Variants in DPP10 observed in about 807,000 individuals in gnomAD.
DPP10 encodes inactive dipeptidyl peptidase 10.
A neutral mutation model predicts 120.9 loss-of-function variants in DPP10; 33 were observed. The ratio of observed to expected loss-of-function variants is 0.27; its 90% CI spans 0.21 to 0.37. The LOEUF is 0.37. Among genes scored for constraint, DPP10 ranks in the 10% least tolerant of loss-of-function variants. The probability of loss-of-function intolerance (pLI) is 1.00; values close to 1 mark genes in which losing one functional copy is unlikely to be tolerated. For synonymous variants in DPP10, 337 were observed against 326.1 expected, an observed-to-expected ratio of 1.03 and a Z score of -0.36; for missense variants, 816 against 942.8, an observed-to-expected ratio of 0.87 and a Z score of 1.76.
chr2:115,605,032 T>G (rs2083606920), intron 5 of DPP10, among the ~76,000 whole-genome samples: 1 of 152,164 alleles, frequency 6.6e-6, no homozygotes, highest in Non-Finnish European at 1.5e-5. Flanking sequence ...TCATGATCTC[T>G]CAACAAAATA....
intron 3 of DPP10, among the ~76,000 whole-genome samples, chr2:115,480,588 T>C (rs1211484825): frequency 6.6e-6 from 1 of 152,164 alleles, no homozygotes; most frequent in Non-Finnish European, 1.5e-5. Flanking sequence ...CCTTTTATCA[T>C]ATTTGTGCTT....
intron 5 of DPP10, among the ~76,000 whole-genome samples, chr2:115,623,952 C>A (rs185501060): frequency 6.7e-6 from 1 of 149,344 alleles, no homozygotes; most frequent in Non-Finnish European, 1.5e-5. Context: ...AAAACGAGAT[C>A]ATTTACTCAA....
chr2:114,643,811 G>A (rs941769836), intron 1 of DPP10, among the ~76,000 whole-genome samples: 2 of 150,614 alleles, frequency 1.3e-5, no homozygotes, highest in Non-Finnish European at 2.9e-5. Flanking sequence ...CACCACCTTG[G>A]TTTGGTTTAC....
intron 1 of DPP10, among the ~76,000 whole-genome samples, chr2:114,815,405 G>A (rs533854218): frequency 6.6e-6 from 1 of 152,276 alleles, no homozygotes; most frequent in East Asian, 1.9e-4. Flanking sequence ...CATTAGCTAG[G>A]AAGTTTGGAG....
At chr2:115,639,857 C>T (rs985784875) in intron 5 of DPP10, among the ~76,000 whole-genome samples, 2 of 151,916 alleles carry the variant, frequency 1.3e-5, no homozygotes, top group Admixed American at 1.3e-4. Context: ...TTCATGCTAA[C>T]GTCATGTCAG....
rs558069027 is a variant in DPP10 at position 115,749,957 on chromosome 2, A to G, written c.951-3217A>G. On this transcript the variant is annotated intron_variant, in intron 10 of 25. Coordinates refer to ENST00000410059, the MANE Select transcript of DPP10 (RefSeq NM_020868.6). ...ATAGAAAGTCTGTTGACTTGAGTGCAATCCCTCTAACTAGCTTGTCTCTGT... is the reference window on the plus strand; with the variant it reads ...ATAGAAAGTCTGTTGACTTGAGTGCGATCCCTCTAACTAGCTTGTCTCTGT... 1.5e-5 allele frequency: 15 copies of G among 983,216 alleles called. No homozygotes were observed. In the East Asian group the frequency reaches 1.1e-3, roughly 75 times the overall value. 60.9% of individuals were successfully genotyped at this position (983,216 alleles called of 1,614,324 possible).
At position 114,656,457 on chromosome 2, in the gene DPP10, G is replaced by T. The variant is rs1041687757; in HGVS notation, c.60+213619G>T. On this transcript the variant is annotated intron_variant, in intron 1 of 25. Coordinates refer to ENST00000410059, the MANE Select transcript of DPP10 (RefSeq NM_020868.6). Reference sequence around the variant, plus strand: ...GGGGGAAATAAAATTCACATAAATTGCTTATCACTGATATTATAGAAGTAA... The same window carrying T: ...GGGGGAAATAAAATTCACATAAATTTCTTATCACTGATATTATAGAAGTAA... Among the ~76,000 whole-genome samples, 139 of 152,150 alleles carry T rather than the reference G, an allele frequency of 9.1e-4. 1 individual carries two copies. Among genetic ancestry groups the T allele is most frequent in the Non-Finnish European group, 1.3e-3 (87 of 67,958 alleles).
chr2:115,789,893 AAAAATGAATACCTCCTCT>A (rs1683751085), intron 17 of DPP10, among the ~76,000 whole-genome samples: 1 of 152,216 alleles, frequency 6.6e-6, no homozygotes, highest in African/African-American at 2.4e-5. Context: ...TAAATCCGAT[AAAAATGAATACCTCCTCT>A]AAAATCTGTA....
chr2:114,468,794 G>A (rs1679649167), intron 1 of DPP10, among the ~76,000 whole-genome samples: 1 of 152,128 alleles, frequency 6.6e-6, no homozygotes, highest in Non-Finnish European at 1.5e-5. Context: ...GATTTTAAAG[G>A]GGGCTTCTGA....
chr2:114,661,050 C>T (rs1039946843), intron 1 of DPP10, among the ~76,000 whole-genome samples: 1 of 152,062 alleles, frequency 6.6e-6, no homozygotes, highest in African/African-American at 2.4e-5. Flanking sequence ...AAATAAAAGA[C>T]AGAATTTCAG....
chr2:114,813,716 A>ATT (rs35714406), intron 1 of DPP10, among the ~76,000 whole-genome samples: 5 of 127,984 alleles, frequency 3.9e-5, no homozygotes, highest in Non-Finnish European at 5.2e-5. Context: ...ATGGAATTAA[A>ATT]TTTTTTTTTT....
chr2:115,097,629 C>T lies in DPP10; in HGVS notation c.61-211610C>T, dbSNP rs181338910. On this transcript the variant is annotated intron_variant, in intron 1 of 25. Transcript: ENST00000410059. ...TTCAGTTCTTGCTTAAAGTACATACCGGCATAATTTTTCAAGGAATGTAGG... is the reference window on the plus strand; with the variant it reads ...TTCAGTTCTTGCTTAAAGTACATACTGGCATAATTTTTCAAGGAATGTAGG... Among the ~76,000 whole-genome samples the T allele has an allele frequency of 1.4e-3, 215 of 152,078 alleles. 2 individuals are homozygous for T. Among genetic ancestry groups the T allele is most frequent in the African/African-American group, 4.8e-3 (200 of 41,484 alleles).
chr2:115,139,388 T>C (rs1051173286), intron 1 of DPP10, among the ~76,000 whole-genome samples: 2 of 152,020 alleles, frequency 1.3e-5, no homozygotes, highest in African/African-American at 2.4e-5. Flanking sequence ...ACGTAAATCA[T>C]CAATGGACTC....
At chr2:115,044,523 C>G (rs934751056) in intron 1 of DPP10, among the ~76,000 whole-genome samples, 3 of 152,000 alleles carry the variant, frequency 2.0e-5, no homozygotes, top group Admixed American at 2.0e-4. Context: ...TACAAGAGCT[C>G]TATCATGAGA....
chr2:115,625,306 A>G (rs903766745), intron 5 of DPP10, among the ~76,000 whole-genome samples: 9 of 152,172 alleles, frequency 5.9e-5, no homozygotes, highest in African/African-American at 1.9e-4. Flanking sequence ...AGACTTCAGT[A>G]TTTAAAATTA....
intron 1 of DPP10, among the ~76,000 whole-genome samples, chr2:115,239,003 T>A (rs774865309): frequency 6.6e-6 from 1 of 152,146 alleles, no homozygotes; most frequent in Non-Finnish European, 1.5e-5. Context: ...AGGAGAAAGA[T>A]GTAGGCTGGG....
At chr2:115,156,499 C>T (rs1467389084) in intron 1 of DPP10, among the ~76,000 whole-genome samples, 1 of 152,138 alleles carries the variant, frequency 6.6e-6, no homozygotes, top group Non-Finnish European at 1.5e-5. Context: ...GAAAATCTTT[C>T]CTTCCAAAAA....
At chr2:114,922,443 G>A (rs1695265560) in intron 1 of DPP10, among the ~76,000 whole-genome samples, 1 of 152,194 alleles carries the variant, frequency 6.6e-6, no homozygotes, top group Non-Finnish European at 1.5e-5. Context: ...CTCCTGAGTA[G>A]CTGGGATTAC....
At chr2:115,796,086 A>G (rs1684496795) in intron 19 of DPP10, among the ~76,000 whole-genome samples, 1 of 151,900 alleles carries the variant, frequency 6.6e-6, no homozygotes, top group Admixed American at 6.6e-5. Flanking sequence ...TATATTTTCT[A>G]TTTTTCTCTT....
Sources: allele counts gnomAD v4.1 joint callset (sites outside exome capture counted in the v4.1 genomes callset), GRCh38; gene constraint gnomAD v4.1.1; transcripts MANE v1.5; gene names NCBI Gene and HGNC (gene_info 2026-07-23, HGNC 2026-07-21).